RTN4RL2: variants seen among roughly 807,000 people sequenced by gnomAD.
The protein encoded by RTN4RL2 is reticulon 4 receptor like 2, also known as reticulon-4 receptor-like 2.
In RTN4RL2, 9 loss-of-function variants were observed where a neutral mutation model predicts 27.8. The observed-to-expected ratio is 0.32, with a 90% CI of 0.20 to 0.57. RTN4RL2 has a LOEUF of 0.57. RTN4RL2 is among the 20% of genes least tolerant of loss of function. The pLI is 0.90. For synonymous variants in RTN4RL2, 285 were observed against 297.9 expected (o/e 0.96, Z 0.45); for missense variants, 436 against 596.8 (o/e 0.73, Z 2.81).
intron 2 of RTN4RL2, among the ~76,000 whole-genome samples, chr11:57,468,314 C>T (rs889759508): frequency 6.7e-6 from 1 of 149,264 alleles, no homozygotes; most frequent in Non-Finnish European, 1.5e-5. Flanking sequence ...CTTGCTGTTC[C>T]TCTCTCTCTC....
chr11:57,476,567 T>C lies in RTN4RL2; in HGVS notation c.919T>C (p.Phe307Leu). ...RDLRALREADFQACPPAAPTR... is the reference protein window; with the variant it reads ...RDLRALREADLQACPPAAPTR... Reference sequence around the variant, plus strand: ...CCTGCGCGCGCTCCGCGAGGCCGACTTCCAGGCGTGTCCGCCCGCGGCACC... The same window carrying C: ...CCTGCGCGCGCTCCGCGAGGCCGACCTCCAGGCGTGTCCGCCCGCGGCACC... The change falls in exon 3 of 3, where the codon TTC becomes CTC. Residue 307 changes from phenylalanine (F) to leucine (L), a missense_variant. Coordinates refer to ENST00000335099, the MANE Select transcript of RTN4RL2 (RefSeq NM_178570.3). This position sits in a 1 kb window ranked among gnomAD's most constrained non-coding sequence, Gnocchi z 8.2. 7.1e-7 allele frequency: 1 copy of C among 1,399,032 alleles called. No individual in the cohort carries two copies. The highest frequency in any genetic ancestry group is 9.2e-7 in the Non-Finnish European group (1 of 1,084,410). 86.7% of individuals were successfully genotyped at this position (1,399,032 alleles called of 1,614,324 possible). A position where few individuals can be genotyped will look rare whatever the true frequency, so the allele number is the denominator to read the frequency against.
chr11:57,465,792 T>C (rs1024466070), intron 1 of RTN4RL2, among the ~76,000 whole-genome samples: 1 of 151,960 alleles, frequency 6.6e-6, no homozygotes, highest in African/African-American at 2.4e-5. Flanking sequence ...GGGCCTGCTT[T>C]TCCATCAGTA....
chr11:57,472,419 C>G (rs1034525746), intron 2 of RTN4RL2, among the ~76,000 whole-genome samples: 1 of 152,092 alleles, frequency 6.6e-6, no homozygotes, highest in African/African-American at 2.4e-5. Flanking sequence ...CCATGTTGCC[C>G]AGGCTGGTCT....
Position 57,467,253 on chromosome 11 carries a change from C to A in RTN4RL2, c.32-356C>A, listed in dbSNP as rs754630672. Among the ~76,000 whole-genome samples the A allele has an allele frequency of 5.3e-5, 8 of 152,124 alleles. No homozygotes were observed. The highest frequency in any genetic ancestry group is 7.3e-5 in the Non-Finnish European group (5 of 68,028). The stretch of plus-strand genomic sequence containing the variant: ...TGAAACAGGGTCTTGTTGTGTTGCC[C>A]AGGCTGGAGTGCAAGGGTGTGATCG... On this transcript the variant is annotated intron_variant, in intron 1 of 2. Coordinates refer to ENST00000335099, the MANE Select transcript of RTN4RL2 (RefSeq NM_178570.3). The surrounding 1 kb of genome is among the most constrained non-coding windows in gnomAD (Gnocchi z 5.5).
At chr11:57,465,221 C>T (rs138954653) in intron 1 of RTN4RL2, among the ~76,000 whole-genome samples, 3 of 152,360 alleles carry the variant, frequency 2.0e-5, no homozygotes, top group South Asian at 2.1e-4. Context: ...CAGTCCCATG[C>T]GTGCACACCT....
chr11:57,472,212 T>G (rs1428247745), intron 2 of RTN4RL2, among the ~76,000 whole-genome samples: 2 of 151,970 alleles, frequency 1.3e-5, no homozygotes, highest in Non-Finnish European at 2.9e-5. Context: ...TTGTTTGTTT[T>G]GTTTTGTTTT....
chr11:57,466,964 G>A (rs571698292), intron 1 of RTN4RL2, among the ~76,000 whole-genome samples: 15 of 152,380 alleles, frequency 9.8e-5, no homozygotes, highest in African/African-American at 3.6e-4. Flanking sequence ...CTGAGGCAGA[G>A]AAACCCTGAC....
intron 2 of RTN4RL2, among the ~76,000 whole-genome samples, chr11:57,469,991 G>A (rs1943552037): frequency 6.6e-6 from 1 of 152,170 alleles, no homozygotes; most frequent in Non-Finnish European, 1.5e-5. Flanking sequence ...ACAGTTAGGG[G>A]CACTAGGGAC....
chr11:57,463,736 G>A (rs189297951), intron 1 of RTN4RL2, among the ~76,000 whole-genome samples: 3 of 152,232 alleles, frequency 2.0e-5, no homozygotes, highest in East Asian at 1.9e-4. Flanking sequence ...GTGCTGAGGA[G>A]GAGTGAGAAC....
chr11:57,473,496 T>C (rs1943576223), intron 2 of RTN4RL2, among the ~76,000 whole-genome samples: 1 of 144,572 alleles, frequency 6.9e-6, no homozygotes, highest in Non-Finnish European at 1.5e-5. Context: ...AACCGGCCAG[T>C]GGGGAGGCAA....
At chr11:57,471,937 C>A (rs1943564486) in intron 2 of RTN4RL2, among the ~76,000 whole-genome samples, 1 of 152,164 alleles carries the variant, frequency 6.6e-6, no homozygotes, top group Admixed American at 6.5e-5. Context: ...CGGCTCACTG[C>A]AACCTCTGCC....
chr11:57,468,785 G>A (rs1162620037), intron 2 of RTN4RL2: 1 of 1,501,812 alleles, frequency 6.7e-7, no homozygotes, highest in South Asian at 1.2e-5. Flanking sequence ...GAAAGAAAAG[G>A]GTAAATCTCT....
chr11:57,476,614 C>T lies in RTN4RL2; in HGVS notation c.966C>T (p.Ala322=). ...CACCCACGCGGCCGGGCAGCCGCGC[C>T]CGCGGCAACAGCTCCTCCAACCACC... ...PAAPTRPGSR[A]RGNSSSNHLY... Residue 322 remains alanine (A), a synonymous_variant, in exon 3 of 3, where the codon GCC becomes GCT. Coordinates refer to ENST00000335099, the MANE Select transcript of RTN4RL2 (RefSeq NM_178570.3). The surrounding 1 kb of genome is among the most constrained non-coding windows in gnomAD (Gnocchi z 8.2). 7.1e-7 allele frequency: 1 copy of T among 1,411,646 alleles called. No homozygotes were observed. The highest frequency in any genetic ancestry group is 9.2e-7 in the Non-Finnish European group (1 of 1,090,078). 87.4% of individuals were successfully genotyped at this position (1,411,646 alleles called of 1,614,324 possible).
intron 2 of RTN4RL2, among the ~76,000 whole-genome samples, chr11:57,471,131 G>T (rs983836385): frequency 1.1e-4 from 17 of 152,146 alleles, no homozygotes; most frequent in South Asian, 6.2e-4. Context: ...AGCCACTAGG[G>T]AGGCTAAGGC....
At chr11:57,465,283 A>T (rs1943513995) in intron 1 of RTN4RL2, among the ~76,000 whole-genome samples, 1 of 152,224 alleles carries the variant, frequency 6.6e-6, no homozygotes, top group African/African-American at 2.4e-5. Context: ...ACTACCCAAA[A>T]TCACAGATAC....
In RTN4RL2 at chr11:57,476,074, C is replaced by A; in HGVS notation, c.514-88C>A. The stretch of plus-strand genomic sequence containing the variant: ...TTTCTCTTCTGCCACGGTGCACCCC[C>A]TTCCCTCCCCCGGCCAAGGCCCCAG... On this transcript the variant is annotated intron_variant, in intron 2 of 2. Transcript: ENST00000335099. This position sits in a 1 kb window ranked among gnomAD's most constrained non-coding sequence, Gnocchi z 8.2. 1 of 1,320,810 alleles carries A rather than the reference C, an allele frequency of 7.6e-7. No individual in the cohort carries two copies. Among genetic ancestry groups the A allele is most frequent in the Non-Finnish European group, 1.0e-6 (1 of 954,046 alleles). 81.8% of individuals were successfully genotyped at this position (1,320,810 alleles called of 1,614,324 possible). A position where few individuals can be genotyped will look rare whatever the true frequency, so the allele number is the denominator to read the frequency against.
chr11:57,462,355 G>C (rs551911544), intron 1 of RTN4RL2, among the ~76,000 whole-genome samples: 1 of 152,198 alleles, frequency 6.6e-6, no homozygotes, highest in African/African-American at 2.4e-5. Context: ...CACCTCCTCA[G>C]CCCCTGCCCC....
At chr11:57,468,214 C>A in intron 2 of RTN4RL2, 124 bp downstream of exon 2, 1 of 987,024 alleles carries the variant, frequency 1.0e-6, no homozygotes, top group Non-Finnish European at 1.5e-6. Flanking sequence ...GCCTCAGCAT[C>A]TCCATTTCTC....
chr11:57,468,996 A>G (rs903691654), intron 2 of RTN4RL2: 1 of 646,556 alleles, frequency 1.5e-6, no homozygotes, highest in Non-Finnish European at 2.8e-6. Flanking sequence ...TTGGCTACAG[A>G]GCCTCCGGCT....
Sources: gnomAD v4.1 joint callset for allele counts (sites outside exome capture counted in the v4.1 genomes callset) on GRCh38, gnomAD v4.1.1 for gene constraint, Gnocchi (gnomAD v3.1) non-coding constraint, MANE v1.5 for transcripts, NCBI Gene and HGNC (gene_info 2026-07-23, HGNC 2026-07-21) for gene names.